The following NOP58 variants were observed in gnomAD, a reference collection of about 807,000 sequenced individuals.
NOP58 encodes the protein NOP58 ribonucleoprotein, also known as nucleolar protein 58.
A neutral mutation model predicts 71.2 loss-of-function variants in NOP58; 44 were observed. The ratio of observed to expected loss-of-function variants is 0.62; its 90% confidence interval spans 0.49 to 0.79. The LOEUF (loss-of-function observed/expected upper bound fraction) is 0.79, where lower values mean the gene tolerates loss of function less well. Among genes scored for constraint, NOP58 ranks in the 30% least tolerant of loss-of-function variants. The probability of loss-of-function intolerance (pLI) is 0.00; values close to 1 mark genes in which losing one functional copy is unlikely to be tolerated. For missense variants in NOP58, 538 were observed against 620.2 expected, an observed-to-expected ratio of 0.87 and a Z score of 1.41; for synonymous variants, 228 against 200.3, an observed-to-expected ratio of 1.14 and a Z score of -1.17.
At chr2:202,291,875 T>C (rs1688906387) in intron 8 of NOP58, among the ~76,000 whole-genome samples, 1 of 149,944 alleles carries the variant, frequency 6.7e-6, no homozygotes, top group Admixed American at 6.7e-5. Context: ...CTGAGTCTTA[T>C]GTCTATATCT....
chr2:202,275,193 A>G lies in NOP58; in HGVS notation c.122+4A>G, dbSNP rs772893159. 2 of 1,471,410 alleles carry G rather than the reference A, an allele frequency of 1.4e-6. No homozygotes were observed. The highest frequency in any genetic ancestry group is 2.4e-5 in the South Asian group (2 of 84,374). The allele number at this position is 1,471,410 out of a possible 1,614,324, so 91.1% of individuals were successfully genotyped here. ...CTCCAGAGAAAGCAAACAAAATGTA[A>G]GTACTCTTGAAATCAATAATTTAGC... On this transcript the variant is annotated splice_donor_region_variant and intron_variant, in intron 2 of 14. Transcript: ENST00000264279.
In NOP58 at chr2:202,277,968, T is replaced by A; in HGVS notation, c.141T>A (p.Phe47Leu). 6.5e-7 allele frequency: 1 copy of A among 1,544,918 alleles called. No homozygotes were observed. ...ATTCTAGAGTAAAGCTAAAACATTT[T>A]GAGAAATTTCAGGATACAGCAGAAG... ...KANKIVKLKH[F>L]EKFQDTAEAL... Residue 47 changes from phenylalanine (F) to leucine (L), a missense_variant, in exon 3 of 15, where the codon TTT (phenylalanine) becomes TTA (leucine). Transcript: ENST00000264279.
chr2:202,279,877 C>CTA (rs1688672066), intron 3 of NOP58, among the ~76,000 whole-genome samples: 1 of 152,168 alleles, frequency 6.6e-6, no homozygotes, highest in South Asian at 2.1e-4. Context: ...TCCCCCCAGT[C>CTA]TAAGCTCCAT....
intron 3 of NOP58, among the ~76,000 whole-genome samples, chr2:202,280,583 T>G (rs1241359895): frequency 6.6e-6 from 1 of 152,030 alleles, no homozygotes; most frequent in African/African-American, 2.4e-5. Context: ...CCACCCGCCT[T>G]GGCCTCCCAA....
At chr2:202,281,395 G>A (rs976409555) in intron 3 of NOP58, among the ~76,000 whole-genome samples, 7 of 152,040 alleles carry the variant, frequency 4.6e-5, no homozygotes, top group Admixed American at 3.9e-4. Context: ...AAAGTGCTGG[G>A]ATTACAGACT....
rs140691206 is a variant in NOP58 at position 202,289,953 on chromosome 2, C to CT, written c.500-360dup. On this transcript the variant is annotated intron_variant, in intron 6 of 14. Coordinates refer to ENST00000264279, the MANE Select transcript of NOP58 (RefSeq NM_015934.5). ...AATGGTTGAAGTGTTATTTTTTATT[C>CT]TTTTTTTTTTAAATTTTTTGCGACG... Among the ~76,000 whole-genome samples the CT allele has an allele frequency of 2.9e-3, 441 of 149,522 alleles. 2 individuals carry two copies. The highest frequency in any genetic ancestry group is 8.4e-3 in the African/African-American group (342 of 40,794).
intron 2 of NOP58, chr2:202,276,656 A>G (rs911008910): frequency 6.6e-6 from 2 of 301,230 alleles, no homozygotes; most frequent in African/African-American, 2.2e-5. Flanking sequence ...CCTGGGCAAT[A>G]TAGGAAAACC....
intron 12 of NOP58, 45 bp downstream of exon 12, chr2:202,297,951 G>A (rs766693188): frequency 3.5e-6 from 4 of 1,150,788 alleles, no homozygotes; most frequent in Non-Finnish European, 4.9e-6. Context: ...TTTTTTAAAT[G>A]TTAATTATTG....
At chr2:202,282,838 A>G (rs957756469) in intron 4 of NOP58, among the ~76,000 whole-genome samples, 1 of 152,136 alleles carries the variant, frequency 6.6e-6, no homozygotes, top group Non-Finnish European at 1.5e-5. Flanking sequence ...AACTTTTAGT[A>G]GGGGTGTATT....
chr2:202,282,981 A>G (rs557579614), intron 4 of NOP58, among the ~76,000 whole-genome samples: 79 of 152,280 alleles, frequency 5.2e-4, no homozygotes, highest in African/African-American at 1.7e-3. Flanking sequence ...TGGGAGGCCA[A>G]GGTAGGAGTA....
At chr2:202,300,493 T>TA in intron 13 of NOP58, 126 bp downstream of exon 13, 1 of 692,186 alleles carries the variant, frequency 1.4e-6, no homozygotes, top group Non-Finnish European at 2.4e-6. Flanking sequence ...CTAATGGTGT[T>TA]TTAATAATGC....
chr2:202,267,116 ATGAG>A (rs1688430142), intron 1 of NOP58, among the ~76,000 whole-genome samples: 1 of 152,172 alleles, frequency 6.6e-6, no homozygotes, highest in Non-Finnish European at 1.5e-5. Context: ...GTTAGGAAGA[ATGAG>A]TGAGATTGAG....
intron 9 of NOP58, among the ~76,000 whole-genome samples, chr2:202,294,350 A>T (rs969281179): frequency 3.9e-5 from 6 of 151,912 alleles, no homozygotes; most frequent in African/African-American, 1.5e-4. Context: ...AAAAAAAAAA[A>T]AAAAAGAACT....
intron 12 of NOP58, among the ~76,000 whole-genome samples, chr2:202,299,370 A>G (rs1689052035): frequency 1.3e-5 from 2 of 152,200 alleles, no homozygotes; most frequent in Non-Finnish European, 2.9e-5. Flanking sequence ...GTTTTCTGGA[A>G]AGAAATCAAA....
chr2:202,296,250 C>T (rs1160127850), intron 10 of NOP58, among the ~76,000 whole-genome samples: 4 of 152,034 alleles, frequency 2.6e-5, no homozygotes, highest in Non-Finnish European at 5.9e-5. Flanking sequence ...GGCTAGAGTG[C>T]AGTGGCTTGA....
rs1330796807 is a variant in NOP58, at chr2:202,284,453, G to A, written c.406G>A (p.Ala136Thr). 1.2e-6 allele frequency: 2 copies of A among 1,613,730 alleles called. No homozygotes were observed. The highest frequency in any genetic ancestry group is 1.7e-5 in the Admixed American group (1 of 59,960). Residue 136 changes from alanine to threonine, a missense_variant, in exon 5 of 15, where the codon GCA becomes ACA. By Grantham distance (58) the Ala-to-Thr change is moderately conservative. Coordinates refer to ENST00000264279, the MANE Select transcript of NOP58 (RefSeq NM_015934.5). ...CCCTGGGGTAGAACCACGTGAAATGGCAGCTATGTGTCTTGGATTGGCTCA... is the reference window on the plus strand; with the variant it reads ...CCCTGGGGTAGAACCACGTGAAATGACAGCTATGTGTCTTGGATTGGCTCA... ...LIPGVEPREM[A>T]AMCLGLAHSL... is the part of the protein sequence containing the mutation.
intron 1 of NOP58, among the ~76,000 whole-genome samples, chr2:202,272,743 A>G (rs13022208): frequency 0.02 from 3,072 of 152,330 alleles, 48 homozygotes; most frequent in Non-Finnish European, 0.032. Flanking sequence ...ACATGTATCA[A>G]ATAGGGGATA....
rs770104384 is a variant in NOP58 at position 202,300,355 on chromosome 2, ATTAAAG to A, written c.1397_1402del (p.Lys467_Val468del). ...TGAAAAGAAAGCCAAAAAAGCCAAG[ATTAAAG>A]TTAAAGGTTAGTTTGAATTTTTTTT... On this transcript the variant is annotated inframe_deletion, in exon 13 of 15. Transcript: ENST00000264279. The A allele has an allele frequency of 3.8e-6, 6 of 1,587,496 alleles. No homozygotes were observed. Among genetic ancestry groups the A allele is most frequent in the Non-Finnish European group, 5.1e-6 (6 of 1,172,780 alleles).
chr2:202,275,190 G>A lies in NOP58; in HGVS notation c.122+1G>A. The A allele has an allele frequency of 1.3e-6, 2 of 1,491,870 alleles. No homozygotes were observed. The highest frequency in any genetic ancestry group is 2.3e-5 in the East Asian group (1 of 44,182). The allele number at this position is 1,491,870 out of a possible 1,614,324, so 92.4% of individuals were successfully genotyped here. A position where few individuals can be genotyped will look rare whatever the true frequency, so the allele number is the denominator to read the frequency against. On this transcript the variant is annotated splice_donor_variant, in intron 2 of 14. Transcript: ENST00000264279. LOFTEE classifies it high-confidence loss of function. Reference sequence around the variant, plus strand: ...AAACTCCAGAGAAAGCAAACAAAATGTAAGTACTCTTGAAATCAATAATTT... The same window carrying A: ...AAACTCCAGAGAAAGCAAACAAAATATAAGTACTCTTGAAATCAATAATTT...
Sources: gnomAD v4.1 joint callset for allele counts (sites outside exome capture counted in the v4.1 genomes callset) on GRCh38, gnomAD v4.1.1 for gene constraint, MANE v1.5 for transcripts, NCBI Gene and HGNC (gene_info 2026-07-23, HGNC 2026-07-21) for gene names.